Variants in MYRIP observed in about 807,000 individuals in gnomAD.
The protein encoded by MYRIP is rab effector MyRIP.
In MYRIP, 49 loss-of-function variants were observed where a neutral mutation model predicts 98.0. The ratio of observed to expected loss-of-function variants is 0.50; its 90% CI spans 0.40 to 0.63. MYRIP has a LOEUF of 0.63. MYRIP is among the 30% of genes least tolerant of loss of function. MYRIP has a pLI of 0.00. For synonymous variants in MYRIP, 404 were observed against 409.5 expected, an observed-to-expected ratio of 0.99 and a Z score of 0.16; for missense variants, 1,004 against 1,058.2, an observed-to-expected ratio of 0.95 and a Z score of 0.71.
At chr3:40,178,192 G>C (rs927386759) in intron 8 of MYRIP, among the ~76,000 whole-genome samples, 4 of 152,196 alleles carry the variant, frequency 2.6e-5, no homozygotes, top group African/African-American at 7.2e-5. Flanking sequence ...CAGGGAGCCT[G>C]TCCTGTTGAT....
At chr3:40,104,530 G>C (rs1399808510) in intron 3 of MYRIP, among the ~76,000 whole-genome samples, 2 of 152,150 alleles carry the variant, frequency 1.3e-5, no homozygotes, top group Non-Finnish European at 2.9e-5. Flanking sequence ...TATACTAATT[G>C]GGAACTACTG....
At chr3:40,019,646 TAA>T (rs1946947098) in intron 2 of MYRIP, among the ~76,000 whole-genome samples, 1 of 152,218 alleles carries the variant, frequency 6.6e-6, no homozygotes, top group South Asian at 2.1e-4. Flanking sequence ...AATAGGAGCT[TAA>T]AGTCTTGGAT....
intron 2 of MYRIP, among the ~76,000 whole-genome samples, chr3:39,938,349 A>G (rs905016560): frequency 3.3e-5 from 5 of 152,184 alleles, no homozygotes; most frequent in South Asian, 4.2e-4. Context: ...TCTTTCCTCT[A>G]TAGTATTCAA....
rs374960395 is a variant in MYRIP at position 40,114,227 on chromosome 3, G to A, written c.333-36821G>A. 5.6e-4 allele frequency among the ~76,000 whole-genome samples: 85 copies of A among 152,292 alleles called. No homozygotes were observed. In the Middle Eastern group the frequency reaches 0.017, roughly 30 times the overall value. The stretch of plus-strand genomic sequence containing the variant: ...CTGTACCTTTTCTATGCCTGGATAT[G>A]TTTAGGTACACAAATACTTACATTA... On this transcript the variant is annotated intron_variant, in intron 3 of 16. Transcript: ENST00000302541.
intron 1 of MYRIP, among the ~76,000 whole-genome samples, chr3:39,831,664 A>G (rs1408052313): frequency 6.6e-6 from 1 of 152,206 alleles, no homozygotes; most frequent in East Asian, 1.9e-4. Flanking sequence ...CATAAAATAC[A>G]CAGTTGAAAA....
intron 2 of MYRIP, among the ~76,000 whole-genome samples, chr3:40,034,562 G>A (rs1016403061): frequency 5.3e-5 from 8 of 151,220 alleles, no homozygotes; most frequent in East Asian, 4.0e-4. Flanking sequence ...TCATTAAAAA[G>A]TCTGGAAACA....
intron 8 of MYRIP, among the ~76,000 whole-genome samples, chr3:40,178,170 C>T (rs968886231): frequency 2.6e-5 from 4 of 152,108 alleles, no homozygotes; most frequent in African/African-American, 4.8e-5. Flanking sequence ...TTTAAAGCTG[C>T]GGTTGGTGCC....
At chr3:39,809,447 G>C (rs1940581696), upstream of MYRIP, among the ~76,000 whole-genome samples, 2 of 147,164 alleles carry the variant, frequency 1.4e-5, no homozygotes, top group Admixed American at 1.3e-4. Flanking sequence ...GGAGGAACCG[G>C]CCCGGCGGGC....
chr3:39,945,562 C>T (rs780059883), intron 2 of MYRIP, among the ~76,000 whole-genome samples: 43 of 151,600 alleles, frequency 2.8e-4, no homozygotes, highest in Middle Eastern at 6.8e-3. Context: ...ACCCCAAATG[C>T]CTCTTAATAA....
intron 2 of MYRIP, among the ~76,000 whole-genome samples, chr3:40,036,662 TGCAA>T (rs1947393079): frequency 6.6e-6 from 1 of 152,080 alleles, no homozygotes; most frequent in African/African-American, 2.4e-5. Flanking sequence ...ACACCCCATT[TGCAA>T]CCAGATGCAC....
rs766933220 is a variant in MYRIP at position 40,037,863 on chromosome 3, A to G, written c.111-6187A>G. On this transcript the variant is annotated intron_variant, in intron 2 of 16. Coordinates refer to ENST00000302541, the MANE Select transcript of MYRIP (RefSeq NM_015460.4). ...CTCCTTTAAATACTGAAGTTCCCAA[A>G]CCCTCTTTGGAAAAAGCTTAGGTCA... Among the ~76,000 whole-genome samples, 168 of 151,832 alleles carry G rather than the reference A, an allele frequency of 1.1e-3. 2 individuals are homozygous for G. The highest frequency in any genetic ancestry group is 3.0e-3 in the Admixed American group (46 of 15,222).
intron 1 of MYRIP, among the ~76,000 whole-genome samples, chr3:39,861,843 G>A (rs1942481784): frequency 6.6e-6 from 1 of 152,156 alleles, no homozygotes; most frequent in African/African-American, 2.4e-5. Flanking sequence ...ATGGAATTAT[G>A]TAAAGAGATC....
At position 39,879,763 on chromosome 3, in the gene MYRIP, C is replaced by G. The variant is rs545488916; in HGVS notation, c.-30-21024C>G. Among the ~76,000 whole-genome samples, 126 of 152,282 alleles carry G rather than the reference C, an allele frequency of 8.3e-4. No individual in the cohort carries two copies. The East Asian group carries it at 0.011, about 14-fold the overall frequency. On this transcript the variant is annotated intron_variant, in intron 1 of 16. Coordinates refer to ENST00000302541, the MANE Select transcript of MYRIP (RefSeq NM_015460.4). ...AGCTGAAATCTCTGCTCAGATTTTT[C>G]ACGGTTCACTGGCCTCCTTGGCATC...
intron 1 of MYRIP, among the ~76,000 whole-genome samples, chr3:39,891,083 T>A (rs755682543): frequency 3.3e-5 from 5 of 152,176 alleles, no homozygotes; most frequent in Admixed American, 6.6e-5. Context: ...AAATGAAATT[T>A]ACATTTTTGT....
intron 2 of MYRIP, among the ~76,000 whole-genome samples, chr3:39,930,368 C>T (rs1291694405): frequency 6.6e-6 from 1 of 151,996 alleles, no homozygotes; most frequent in African/African-American, 2.4e-5. Flanking sequence ...TGTTCAGATC[C>T]TCTACTCATT....
At chr3:39,898,003 A>G (rs1251229001) in intron 1 of MYRIP, among the ~76,000 whole-genome samples, 1 of 152,112 alleles carries the variant, frequency 6.6e-6, no homozygotes, top group African/African-American at 2.4e-5. Context: ...AACACCTTTA[A>G]TGAGGCTTTT....
chr3:39,931,540 C>G (rs1575390403), intron 2 of MYRIP, among the ~76,000 whole-genome samples: 2 of 151,740 alleles, frequency 1.3e-5, no homozygotes, highest in Admixed American at 1.3e-4. Context: ...TCCAGGATCT[C>G]CAGTACAATA....
chr3:39,955,885 C>T (rs913616005), intron 2 of MYRIP, among the ~76,000 whole-genome samples: 1 of 152,114 alleles, frequency 6.6e-6, no homozygotes, highest in South Asian at 2.1e-4. Context: ...ATCATAGTTT[C>T]TGATAAAACA....
At chr3:40,071,778 T>G (rs1166674783) in intron 3 of MYRIP, among the ~76,000 whole-genome samples, 2 of 152,152 alleles carry the variant, frequency 1.3e-5, no homozygotes, top group African/African-American at 4.8e-5. Flanking sequence ...ACAGGACATA[T>G]AAAAGAGTTG....
Sources: allele counts gnomAD v4.1 joint callset (sites outside exome capture counted in the v4.1 genomes callset), GRCh38; gene constraint gnomAD v4.1.1; transcripts MANE v1.5; gene names NCBI Gene and HGNC (gene_info 2026-07-23, HGNC 2026-07-21).